Variants in APBA2 observed in about 807,000 individuals in gnomAD.
The protein encoded by APBA2 is amyloid beta precursor protein binding family A member 2.
A neutral mutation model predicts 75.0 loss-of-function variants in APBA2; 30 were observed. The ratio of observed to expected loss-of-function variants is 0.40; its 90% CI spans 0.30 to 0.54. The LOEUF is 0.54. Ranked by LOEUF, APBA2 falls within the 20% of genes least tolerant of loss-of-function variation. APBA2 has a pLI of 0.49. For synonymous variants in APBA2, 444 were observed against 409.6 expected, an observed-to-expected ratio of 1.08 and a Z score of -1.01; for missense variants, 801 against 1,016.1, an observed-to-expected ratio of 0.79 and a Z score of 2.88.
intron 3 of APBA2, among the ~76,000 whole-genome samples, chr15:29,009,115 G>A (rs561533844): frequency 9.2e-5 from 14 of 152,326 alleles, no homozygotes; most frequent in Non-Finnish European, 1.2e-4. Flanking sequence ...CTGACTCACA[G>A]AAGTTAGGGC....
chr15:29,056,930 C>A (rs1323638073), intron 4 of APBA2, among the ~76,000 whole-genome samples: 4 of 151,942 alleles, frequency 2.6e-5, no homozygotes, highest in African/African-American at 9.7e-5. Flanking sequence ...AGGATGTGCA[C>A]TGGGAGATTT....
intron 10 of APBA2, chr15:29,102,024 T>C (rs1188140988): frequency 1.7e-6 from 1 of 589,678 alleles, no homozygotes; most frequent in Non-Finnish European, 3.0e-6. Flanking sequence ...TGTGGTTAAA[T>C]ATATGAGGGA....
chr15:29,067,305 A>G (rs1296865649), intron 4 of APBA2, among the ~76,000 whole-genome samples: 1 of 152,202 alleles, frequency 6.6e-6, no homozygotes, highest in Non-Finnish European at 1.5e-5. Context: ...GGGCCAAATC[A>G]AAACTATTTA....
Position 28,957,801 on chromosome 15 carries a change from C to A in APBA2, c.-95+36052C>A, listed in dbSNP as rs75034069. On this transcript the variant is annotated intron_variant, in intron 2 of 14. Coordinates refer to ENST00000683413, the MANE Select transcript of APBA2 (RefSeq NM_001353788.2). ...ATGGGAACGCTGTCTCTTGCACCTGCACATCAGGCCTCCCCCATGCTACTT... is the reference window on the plus strand; with the variant it reads ...ATGGGAACGCTGTCTCTTGCACCTGAACATCAGGCCTCCCCCATGCTACTT... 3.5e-3 allele frequency among the ~76,000 whole-genome samples: 533 copies of A among 152,300 alleles called. 4 individuals carry two copies. Among genetic ancestry groups the A allele is most frequent in the Middle Eastern group, 6.8e-3 (2 of 294 alleles).
chr15:28,984,761 C>CG (rs1178428910), intron 2 of APBA2, among the ~76,000 whole-genome samples: 1 of 151,044 alleles, frequency 6.6e-6, no homozygotes, highest in Non-Finnish European at 1.5e-5. Context: ...TCTCTCCCCC[C>CG]CCACCCCACT....
chr15:28,967,313 G>A (rs541471028), intron 2 of APBA2, among the ~76,000 whole-genome samples: 1 of 152,148 alleles, frequency 6.6e-6, no homozygotes, highest in Non-Finnish European at 1.5e-5. Context: ...TTGTAAGTCT[G>A]GCTTTTTGCA....
At chr15:28,996,477 G>T (rs767178846) in intron 3 of APBA2, among the ~76,000 whole-genome samples, 1 of 152,190 alleles carries the variant, frequency 6.6e-6, no homozygotes, top group Non-Finnish European at 1.5e-5. Context: ...TAGGAACAGA[G>T]CCCTGGTGCC....
chr15:28,991,510 T>C lies in APBA2; in HGVS notation c.-94-4243T>C, dbSNP rs1003094438. Among the ~76,000 whole-genome samples, 2 of 152,140 alleles carry C rather than the reference T, an allele frequency of 1.3e-5. No homozygotes were observed. Among genetic ancestry groups the C allele is most frequent in the African/African-American group, 2.4e-5 (1 of 41,422 alleles). ...CCACTGTGAGGCCGCCCCTTGCAGGTGAGTTCACTGGCAGCCCAGCCAGCC... is the reference window on the plus strand; with the variant it reads ...CCACTGTGAGGCCGCCCCTTGCAGGCGAGTTCACTGGCAGCCCAGCCAGCC... On this transcript the variant is annotated intron_variant, in intron 2 of 14. Coordinates refer to ENST00000683413, the MANE Select transcript of APBA2 (RefSeq NM_001353788.2). The surrounding 1 kb of genome is among the most constrained non-coding windows in gnomAD (Gnocchi z 4.7).
At chr15:29,106,502 G>A (rs2044412689) in intron 11 of APBA2, 105 bp from the exon 12 acceptor site, 2 of 1,297,082 alleles carry the variant, frequency 1.5e-6, no homozygotes, top group African/African-American at 2.9e-5. Flanking sequence ...TCCCAGGGCA[G>A]GGCGGGATGT....
intron 3 of APBA2, among the ~76,000 whole-genome samples, chr15:29,022,356 G>C (rs2039993517): frequency 6.6e-6 from 1 of 152,054 alleles, no homozygotes; most frequent in Admixed American, 6.6e-5. Flanking sequence ...AGTGTGTTTT[G>C]CATTTCCCCG....
chr15:28,941,244 C>G (rs908035299), intron 2 of APBA2, among the ~76,000 whole-genome samples: 2 of 152,108 alleles, frequency 1.3e-5, no homozygotes, highest in African/African-American at 4.8e-5. Flanking sequence ...CTCAGCACAT[C>G]TGAATTCACA....
intron 1 of APBA2, among the ~76,000 whole-genome samples, chr15:28,886,958 C>T (rs1165228840): frequency 1.3e-5 from 2 of 152,172 alleles, no homozygotes; most frequent in Non-Finnish European, 1.5e-5. Flanking sequence ...AACATCGAGG[C>T]CCCCGGTCCC....
chr15:29,010,710 T>A (rs2039361110), intron 3 of APBA2, among the ~76,000 whole-genome samples: 1 of 152,244 alleles, frequency 6.6e-6, no homozygotes, highest in Non-Finnish European at 1.5e-5. Context: ...TTGTGCCCTG[T>A]TTAGGAAATC....
intron 3 of APBA2, among the ~76,000 whole-genome samples, chr15:29,038,571 G>A (rs2040860728): frequency 6.6e-6 from 1 of 151,908 alleles, no homozygotes. Context: ...AGCATTAGGT[G>A]AACGGTGGGG....
rs2044345918 is a variant in APBA2 at position 29,105,416 on chromosome 15, G to C, written c.1562G>C (p.Ser521Thr). The change falls in exon 11 of 15, where the codon AGC becomes ACC. Residue 521 changes from serine (S) to threonine (T), a missense_variant. Coordinates refer to ENST00000683413, the MANE Select transcript of APBA2 (RefSeq NM_001353788.2). ...LIAQSIGQAF[S>T]VAYQEFLRAN... Reference sequence around the variant, plus strand: ...GCCCAGTCTATCGGCCAGGCCTTCAGCGTGGCCTACCAGGAGTTCCTGCGA... The same window carrying C: ...GCCCAGTCTATCGGCCAGGCCTTCACCGTGGCCTACCAGGAGTTCCTGCGA... 1 of 1,612,968 alleles carries C rather than the reference G, an allele frequency of 6.2e-7. No individual in the cohort carries two copies. Among genetic ancestry groups the C allele is most frequent in the African/African-American group, 1.3e-5 (1 of 75,052 alleles).
chr15:28,917,848 G>A (rs1296495581), intron 1 of APBA2, among the ~76,000 whole-genome samples: 1 of 152,126 alleles, frequency 6.6e-6, no homozygotes, highest in Non-Finnish European at 1.5e-5. Flanking sequence ...TTTGCACCCC[G>A]GCTTACTGTG....
chr15:29,094,476 A>T (rs1012268774), intron 8 of APBA2, among the ~76,000 whole-genome samples, 163 bp downstream of exon 8: 5 of 152,180 alleles, frequency 3.3e-5, no homozygotes, highest in African/African-American at 7.2e-5. Flanking sequence ...TGTAAATGAA[A>T]CTACAGACAC....
At chr15:29,072,495 A>G (rs1179604013) in intron 4 of APBA2, among the ~76,000 whole-genome samples, 1 of 152,152 alleles carries the variant, frequency 6.6e-6, no homozygotes, top group Non-Finnish European at 1.5e-5. Context: ...TGGCCATAGC[A>G]GGAAGATCAG....
At chr15:28,923,875 GC>G (rs879563436) in intron 2 of APBA2, among the ~76,000 whole-genome samples, 2 of 152,112 alleles carry the variant, frequency 1.3e-5, no homozygotes, top group African/African-American at 4.8e-5. Context: ...TGCCTCCACC[GC>G]CCCCCCGGGG....
Sources: allele counts gnomAD v4.1 joint callset (sites outside exome capture counted in the v4.1 genomes callset), GRCh38; gene constraint gnomAD v4.1.1; non-coding constraint Gnocchi (gnomAD v3.1); transcripts MANE v1.5; gene names NCBI Gene and HGNC (gene_info 2026-07-23, HGNC 2026-07-21).